Variants in NALF1 observed in about 807,000 individuals in gnomAD.
NALF1 encodes the protein NALCN channel auxiliary factor 1.
Under a neutral mutation model 48.4 loss-of-function variants are expected in NALF1, and 3 were observed. That is an observed-to-expected ratio of 0.06 (90% CI 0.03 to 0.16). The LOEUF (loss-of-function observed/expected upper bound fraction) is 0.16, where lower values mean the gene tolerates loss of function less well. Among genes scored for constraint, NALF1 ranks in the 10% least tolerant of loss-of-function variants. The probability of loss-of-function intolerance (pLI) is 1.00; values close to 1 mark genes in which losing one functional copy is unlikely to be tolerated. For missense variants in NALF1, 526 were observed against 571.5 expected (o/e 0.92, Z 0.81); for synonymous variants, 262 against 245.7 (o/e 1.07, Z -0.62).
At chr13:107,521,455 A>C (rs1876234635) in intron 1 of NALF1, among the ~76,000 whole-genome samples, 2 of 152,208 alleles carry the variant, frequency 1.3e-5, no homozygotes, top group African/African-American at 4.8e-5. Flanking sequence ...CTAACTTTCC[A>C]AGTCCTGATA....
Position 107,683,939 on chromosome 13 carries a change from A to T in NALF1, c.915+181743T>A, listed in dbSNP as rs1203745857. Reference sequence around the variant, plus strand: ...GGCCCAGATCTCCTGCAGGAAAAGTACTCAAATGTCCTTGCTCCACAAACT... The same window carrying T: ...GGCCCAGATCTCCTGCAGGAAAAGTTCTCAAATGTCCTTGCTCCACAAACT... On this transcript the variant is annotated intron_variant, in intron 1 of 2. Transcript: ENST00000375915. Among the ~76,000 whole-genome samples, 10 of 152,206 alleles carry T rather than the reference A, an allele frequency of 6.6e-5. No individual in the cohort carries two copies. The East Asian group carries it at 1.9e-3, about 29-fold the overall frequency.
intron 1 of NALF1, among the ~76,000 whole-genome samples, chr13:107,446,304 G>T (rs1884649722): frequency 6.6e-6 from 1 of 151,836 alleles, no homozygotes; most frequent in African/African-American, 2.4e-5. Context: ...CATCTTTTAT[G>T]TTCTATTTCC....
chr13:107,254,884 C>A (rs532557578), intron 1 of NALF1, among the ~76,000 whole-genome samples: 37 of 152,268 alleles, frequency 2.4e-4, no homozygotes, highest in Non-Finnish European at 5.0e-4. Context: ...TATACTCACT[C>A]AAGGAAAACA....
At chr13:107,810,896 T>C (rs1351745634) in intron 1 of NALF1, among the ~76,000 whole-genome samples, 1 of 152,188 alleles carries the variant, frequency 6.6e-6, no homozygotes, top group Non-Finnish European at 1.5e-5. Flanking sequence ...CTCTCTATTC[T>C]GTCCTCTTCT....
chr13:107,732,810 T>C (rs1876350357), intron 1 of NALF1, among the ~76,000 whole-genome samples: 1 of 152,144 alleles, frequency 6.6e-6, no homozygotes, highest in Non-Finnish European at 1.5e-5. Flanking sequence ...CACAGACACA[T>C]AATATATGCA....
intron 1 of NALF1, among the ~76,000 whole-genome samples, chr13:107,406,103 C>T (rs988438656): frequency 6.6e-6 from 1 of 152,020 alleles, no homozygotes; most frequent in African/African-American, 2.4e-5. Context: ...CCAACCAACA[C>T]ATCATTTAGG....
At chr13:107,848,674 A>C (rs1329369681) in intron 1 of NALF1, among the ~76,000 whole-genome samples, 1 of 152,166 alleles carries the variant, frequency 6.6e-6, no homozygotes, top group African/African-American at 2.4e-5. Flanking sequence ...GTGGCACTTC[A>C]TGTTCAGCCT....
At chr13:107,523,351 T>C (rs1223790373) in intron 1 of NALF1, among the ~76,000 whole-genome samples, 3 of 152,168 alleles carry the variant, frequency 2.0e-5, no homozygotes, top group Non-Finnish European at 4.4e-5. Flanking sequence ...TGTGCACCAC[T>C]GCACAATAAG....
chr13:107,325,887 T>TATATATATATATATATATATACAC (rs752320518), intron 1 of NALF1, among the ~76,000 whole-genome samples: 1 of 58,874 alleles, frequency 1.7e-5, no homozygotes, highest in Non-Finnish European at 3.5e-5. Flanking sequence ...TATATATATA[T>TATATATATATATATATATATACAC]ACACACACAC....
chr13:107,497,499 A>G (rs1310523806), intron 1 of NALF1, among the ~76,000 whole-genome samples: 1 of 152,208 alleles, frequency 6.6e-6, no homozygotes, highest in African/African-American at 2.4e-5. Context: ...CGTGCTGATC[A>G]CCAGGTTTAT....
chr13:107,272,375 C>T lies in NALF1; in HGVS notation c.916-61620G>A, dbSNP rs1417248743. Among the ~76,000 whole-genome samples, 4 of 60,732 alleles carry T rather than the reference C, an allele frequency of 6.6e-5. 2 individuals carry two copies. The highest frequency in any genetic ancestry group is 1.6e-4 in the Non-Finnish European group (4 of 25,440). 39.8% of individuals were successfully genotyped at this position (60,732 alleles called of 152,430 possible). ...GACTACAGGCGCCCGCCACCACGCCCGGCTAATTTTTTGTATTTTTAGTAG... is the reference window on the plus strand; with the variant it reads ...GACTACAGGCGCCCGCCACCACGCCTGGCTAATTTTTTGTATTTTTAGTAG... On this transcript the variant is annotated intron_variant, in intron 1 of 2. Coordinates refer to ENST00000375915, the MANE Select transcript of NALF1 (RefSeq NM_001080396.3).
chr13:107,826,324 T>C (rs1212264967), intron 1 of NALF1, among the ~76,000 whole-genome samples: 1 of 151,712 alleles, frequency 6.6e-6, no homozygotes, highest in Non-Finnish European at 1.5e-5. Context: ...TGTGTGTGTG[T>C]AGTTCCTACC....
chr13:107,737,006 G>T (rs574957202), intron 1 of NALF1, among the ~76,000 whole-genome samples: 3 of 152,294 alleles, frequency 2.0e-5, no homozygotes, highest in Non-Finnish European at 2.9e-5. Context: ...ATATTTCCAT[G>T]AATTATAACT....
At chr13:107,316,587 A>G (rs1882154732) in intron 1 of NALF1, among the ~76,000 whole-genome samples, 1 of 152,248 alleles carries the variant, frequency 6.6e-6, no homozygotes, top group Admixed American at 6.5e-5. Context: ...AATGATGGCC[A>G]TTCTAACTGG....
chr13:107,634,468 T>C (rs917265216), intron 1 of NALF1, among the ~76,000 whole-genome samples: 1 of 152,198 alleles, frequency 6.6e-6, no homozygotes, highest in African/African-American at 2.4e-5. Context: ...TTAATGTATA[T>C]GAACATGTCA....
chr13:107,551,521 T>C (rs1566389556), intron 1 of NALF1, among the ~76,000 whole-genome samples: 1 of 152,146 alleles, frequency 6.6e-6, no homozygotes, highest in Non-Finnish European at 1.5e-5. Flanking sequence ...TATGTAAAAC[T>C]TCATTTTATT....
At chr13:107,788,947 TAG>T (rs1270791592) in intron 1 of NALF1, 1 of 152,202 alleles carries the variant, frequency 6.6e-6, no homozygotes, top group East Asian at 1.9e-4. Context: ...ATGGTTAACC[TAG>T]TTAAGTTAAT....
At chr13:107,314,219 A>G (rs1344506249) in intron 1 of NALF1, among the ~76,000 whole-genome samples, 1 of 152,052 alleles carries the variant, frequency 6.6e-6, no homozygotes, top group Non-Finnish European at 1.5e-5. Flanking sequence ...TCGGCATCCC[A>G]TCCTAGAACT....
At chr13:107,544,385 A>T (rs1442844876) in intron 1 of NALF1, among the ~76,000 whole-genome samples, 1 of 152,208 alleles carries the variant, frequency 6.6e-6, no homozygotes, top group Non-Finnish European at 1.5e-5. Flanking sequence ...CAAATGACTC[A>T]AGCCATAATT....
Sources: gnomAD v4.1 joint callset for allele counts (sites outside exome capture counted in the v4.1 genomes callset) on GRCh38, gnomAD v4.1.1 for gene constraint, MANE v1.5 for transcripts, NCBI Gene and HGNC (gene_info 2026-07-23, HGNC 2026-07-21) for gene names.